RBFOX1: variants seen among roughly 807,000 people sequenced by gnomAD.
RBFOX1 encodes the protein RNA binding fox-1 homolog 1.
In RBFOX1, 8 loss-of-function variants were observed where a neutral mutation model predicts 57.7. The observed-to-expected ratio is 0.14, with a 90% CI of 0.08 to 0.25. The LOEUF is 0.25. Among genes scored for constraint, RBFOX1 ranks in the 10% least tolerant of loss-of-function variants. The pLI, the probability that RBFOX1 is intolerant of heterozygous loss-of-function variation, is 1.00. For synonymous variants in RBFOX1, 326 were observed against 222.4 expected (o/e 1.47, Z -4.15); for missense variants, 611 against 548.5 (o/e 1.11, Z -1.14).
intron 3 of RBFOX1, among the ~76,000 whole-genome samples, chr16:5,703,423 G>T (rs1235028025): frequency 2.6e-5 from 4 of 152,218 alleles, no homozygotes; most frequent in African/African-American, 9.6e-5. Flanking sequence ...CGGCAGGTGG[G>T]TAGGAGAACT....
At chr16:5,903,027 A>G (rs1165830678) in intron 4 of RBFOX1, among the ~76,000 whole-genome samples, 1 of 151,786 alleles carries the variant, frequency 6.6e-6, no homozygotes, top group Non-Finnish European at 1.5e-5. Context: ...CCAGCCTCCC[A>G]TGGTTAGGCT....
At chr16:7,419,223 A>T (rs1172562446) in intron 4 of RBFOX1, among the ~76,000 whole-genome samples, 1 of 151,884 alleles carries the variant, frequency 6.6e-6, no homozygotes, top group African/African-American at 2.4e-5. Context: ...CCCAGCCAAG[A>T]GTTGTTTTTA....
At chr16:6,526,828 T>TAAA (rs2096584996) in intron 2 of RBFOX1, among the ~76,000 whole-genome samples, 1 of 14,970 alleles carries the variant, frequency 6.7e-5, no homozygotes, top group Non-Finnish European at 1.1e-4. Flanking sequence ...AGACTCTGTC[T>TAAA]CAAAAAAAAA....
rs2146420122 is a variant in RBFOX1, at chr16:7,676,710, C to A, written c.931-64C>A. On this transcript the variant is annotated intron_variant, in intron 13 of 15. Coordinates refer to ENST00000550418, the MANE Select transcript of RBFOX1 (RefSeq NM_018723.4). Reference sequence around the variant, plus strand: ...TAACAGCTGCTCTGGTGTGGTCTTGCCACTGGGCATCCCTGCATTGGGCTC... The same window carrying A: ...TAACAGCTGCTCTGGTGTGGTCTTGACACTGGGCATCCCTGCATTGGGCTC... 8 of 1,393,134 alleles carry A rather than the reference C, an allele frequency of 5.7e-6. No individual in the cohort carries two copies. The Admixed American group carries it at 8.4e-5, about 15-fold the overall frequency. The allele number at this position is 1,393,134 out of a possible 1,614,324, so 86.3% of individuals were successfully genotyped here. A position where few individuals can be genotyped will look rare whatever the true frequency, so the allele number is the denominator to read the frequency against.
chr16:6,790,080 T>C (rs1268063161), intron 3 of RBFOX1, among the ~76,000 whole-genome samples: 1 of 133,346 alleles, frequency 7.5e-6, no homozygotes, highest in Non-Finnish European at 1.8e-5. Flanking sequence ...TTATTTATAT[T>C]TTTCTATTAT....
At chr16:7,445,448 A>G (rs1194813268) in intron 4 of RBFOX1, among the ~76,000 whole-genome samples, 1 of 152,158 alleles carries the variant, frequency 6.6e-6, no homozygotes, top group Non-Finnish European at 1.5e-5. Context: ...CTGCATAACT[A>G]GGACAAGCTT....
At chr16:5,300,259 T>A (rs1321851241) in intron 1 of RBFOX1, among the ~76,000 whole-genome samples, 1 of 152,188 alleles carries the variant, frequency 6.6e-6, no homozygotes, top group East Asian at 1.9e-4. Context: ...TGATGTATTT[T>A]TTCTTGTATG....
intron 3 of RBFOX1, among the ~76,000 whole-genome samples, chr16:6,896,796 C>T (rs2067029453): frequency 6.6e-6 from 1 of 152,058 alleles, no homozygotes; most frequent in African/African-American, 2.4e-5. Flanking sequence ...GAGGTGGGAG[C>T]ATTTGAGATC....
intron 3 of RBFOX1, among the ~76,000 whole-genome samples, chr16:5,613,834 G>A (rs995678987): frequency 6.6e-6 from 1 of 151,526 alleles, no homozygotes; most frequent in Non-Finnish European, 1.5e-5. Flanking sequence ...GCCAGCATCC[G>A]AAGACTGGAT....
intron 3 of RBFOX1, among the ~76,000 whole-genome samples, chr16:5,856,575 GTATA>G (rs375112636): frequency 5.5e-4 from 18 of 32,912 alleles, no homozygotes; most frequent in African/African-American, 1.1e-3. Context: ...GTGTGTGTGT[GTATA>G]TATATATATA....
At chr16:7,246,492 C>T (rs889334032) in intron 4 of RBFOX1, among the ~76,000 whole-genome samples, 4 of 152,208 alleles carry the variant, frequency 2.6e-5, no homozygotes, top group Admixed American at 2.6e-4. Context: ...TCTGCATTAT[C>T]TGGCCTCTCT....
intron 4 of RBFOX1, chr16:7,332,999 AG>A: frequency 6.2e-7 from 1 of 1,613,638 alleles, no homozygotes; most frequent in South Asian, 1.1e-5. Flanking sequence ...CTCTACGTAA[AG>A]CATGCTGGCG....
In RBFOX1 at chr16:7,676,765, G is replaced by A; in HGVS notation, c.931-9G>A. 4 of 1,610,666 alleles carry A rather than the reference G, an allele frequency of 2.5e-6. No individual in the cohort carries two copies. The highest frequency in any genetic ancestry group is 3.4e-6 in the Non-Finnish European group (4 of 1,177,526). On this transcript the variant is annotated splice_polypyrimidine_tract_variant and intron_variant, in intron 13 of 15. Transcript: ENST00000550418. ...ACATTCCTGAGTCACATTTCTCCTT[G>A]TGTTTTAGGGTGGTTATGCTGCATA... is the stretch of plus-strand genomic sequence containing the variant.
chr16:5,921,644 G>C (rs1338953041), intron 4 of RBFOX1, among the ~76,000 whole-genome samples: 1 of 152,178 alleles, frequency 6.6e-6, no homozygotes, highest in Non-Finnish European at 1.5e-5. Context: ...TTGCCCTAAA[G>C]AAATACCTGA....
chr16:7,486,448 C>G (rs1384753943), intron 4 of RBFOX1, among the ~76,000 whole-genome samples: 2 of 151,986 alleles, frequency 1.3e-5, no homozygotes, highest in African/African-American at 2.4e-5. Context: ...TGTGTCTTTT[C>G]TACGTGGACA....
In RBFOX1 at chr16:5,521,956, GA is replaced by G. The variant is rs111551654; in HGVS notation, c.258+54703del. Among the ~76,000 whole-genome samples the G allele has an allele frequency of 1.7e-3, 257 of 152,334 alleles. 3 individuals are homozygous for G. Among genetic ancestry groups the G allele is most frequent in the African/African-American group, 6.0e-3 (249 of 41,580 alleles). The stretch of plus-strand genomic sequence containing the variant: ...GAGGAGTCAGATTACAGAGGAGGCT[GA>G]GGAGGGAAAAGACTTACTAGGCTGT... On this transcript the variant is annotated intron_variant, in intron 2 of 2. Coordinates refer to the RBFOX1 transcript ENST00000585867.
intron 2 of RBFOX1, among the ~76,000 whole-genome samples, chr16:6,629,610 T>C (rs963571963): frequency 6.6e-6 from 1 of 152,060 alleles, no homozygotes. Context: ...GCTGCAAGAT[T>C]CTTAGAGTAT....
At chr16:5,692,870 A>G (rs948431491) in intron 3 of RBFOX1, among the ~76,000 whole-genome samples, 23 of 152,216 alleles carry the variant, frequency 1.5e-4, no homozygotes, top group African/African-American at 5.3e-4. Flanking sequence ...CAGGTTGAAC[A>G]AAGAGGTATC....
rs1340633514 is a variant in RBFOX1, at chr16:5,501,143, C to G, written c.258+33889C>G. Among the ~76,000 whole-genome samples, 3 of 151,684 alleles carry G rather than the reference C, an allele frequency of 2.0e-5. No homozygotes were observed. The East Asian group carries it at 5.8e-4, about 30-fold the overall frequency. ...CCAGCTTGGCCAACATGGTGAAACC[C>G]CATCTCTACTGAAAATACAAAAAAA... On this transcript the variant is annotated intron_variant, in intron 2 of 2. Transcript: ENST00000585867.
Sources: allele counts gnomAD v4.1 joint callset (sites outside exome capture counted in the v4.1 genomes callset), GRCh38; gene constraint gnomAD v4.1.1; transcripts MANE v1.5; gene names NCBI Gene and HGNC (gene_info 2026-07-23, HGNC 2026-07-21).